TYMP: variants seen among roughly 807,000 people sequenced by gnomAD.
TYMP encodes thymidine phosphorylase.
TYMP carries 46 observed loss-of-function variants against 42.3 expected under a neutral mutation model. That is an observed-to-expected ratio of 1.09 (90% CI 0.86 to 1.39). TYMP has a LOEUF of 1.39. Among genes scored for constraint, TYMP ranks in the 40% most tolerant of loss-of-function variants. The pLI is 0.00. For synonymous variants in TYMP, 363 were observed against 308.0 expected (o/e 1.18, Z -1.87); for missense variants, 837 against 677.6 (o/e 1.24, Z -2.61).
Position 50,525,834 on chromosome 22 carries a change from G to T in TYMP, c.1385C>A (p.Ser462Tyr), listed in dbSNP as rs1327732434. The part of the protein sequence containing the change: ...SRALQEALVL[S>Y]DRAPFAAPSP... ...GGGGGCGGCGAATGGCGCGCGGTCG[G>T]AGAGTACGAGCGCCTCCTGCAGGGC... The change falls in exon 10 of 10, where the codon TCC becomes TAC. Residue 462 changes from serine (S) to tyrosine (Y), a missense_variant. Ser to Tyr is a moderately radical substitution (Grantham distance 144). Transcript: ENST00000252029. The T allele has an allele frequency of 1.2e-6, 2 of 1,609,054 alleles. No homozygotes were observed. The highest frequency in any genetic ancestry group is 1.7e-6 in the Non-Finnish European group (2 of 1,178,378).
chr22:50,529,068 G>A (rs1313555237), intron 3 of TYMP, 68 bp downstream of exon 3: 4 of 1,531,704 alleles, frequency 2.6e-6, no homozygotes, highest in African/African-American at 1.4e-5. Flanking sequence ...GTTGGGAGCT[G>A]CCTGTGGATG....
rs2069406474 is a variant in TYMP at position 50,526,808 on chromosome 22, C to T, written c.766-70G>A. On this transcript the variant is annotated intron_variant, in intron 6 of 9. Transcript: ENST00000252029. ...CTGCAGCCGGTTCTTGGTCGAACTC[C>T]AGCCCCTGCTGCACCCTGGGTTGCC... The T allele has an allele frequency of 4.7e-6, 7 of 1,482,028 alleles. No individual in the cohort carries two copies. In the African/African-American group the frequency reaches 5.6e-5, roughly 12 times the overall value. 91.8% of individuals were successfully genotyped at this position (1,482,028 alleles called of 1,614,324 possible).
chr22:50,526,921 T>C (rs1026596173), intron 6 of TYMP, among the ~76,000 whole-genome samples, 183 bp from the exon 7 acceptor site: 1 of 152,174 alleles, frequency 6.6e-6, no homozygotes, highest in African/African-American at 2.4e-5. Flanking sequence ...CAGGAGGAAC[T>C]TGTACTTGGT....
At chr22:50,528,244 A>G in intron 4 of TYMP, 1 of 524,652 alleles carries the variant, frequency 1.9e-6, no homozygotes, top group East Asian at 3.6e-5. Context: ...GGTTCAAGGG[A>G]TCTGCCCTCT....
chr22:50,529,937 G>T lies in TYMP; in HGVS notation c.-44C>A, dbSNP rs1375747015. Reference sequence around the variant, plus strand: ...GGCGCTGCCCTCGCCCGCTTGCTCCGGATCCCAGCCCAGGTACCCGGCCTC... The same window carrying T: ...GGCGCTGCCCTCGCCCGCTTGCTCCTGATCCCAGCCCAGGTACCCGGCCTC... On this transcript the variant is annotated 5_prime_UTR_variant, in exon 1 of 10. Coordinates refer to ENST00000252029, the MANE Select transcript of TYMP (RefSeq NM_001953.5). 1 of 591,948 alleles carries T rather than the reference G, an allele frequency of 1.7e-6. No homozygotes were observed. The highest frequency in any genetic ancestry group is 3.0e-6 in the Non-Finnish European group (1 of 333,142). 36.7% of individuals were successfully genotyped at this position (591,948 alleles called of 1,614,324 possible).
intron 4 of TYMP, 101 bp downstream of exon 4, chr22:50,528,411 C>G: frequency 9.8e-7 from 1 of 1,019,086 alleles, no homozygotes; most frequent in Non-Finnish European, 1.5e-6. Context: ...GACCAGTGTT[C>G]TCATTAGTGA....
At chr22:50,528,969 G>C (rs2069490000) in intron 3 of TYMP, 167 bp downstream of exon 3, 2 of 774,390 alleles carry the variant, frequency 2.6e-6, no homozygotes, top group Admixed American at 2.1e-5. Context: ...CAAGCGCTGT[G>C]CTGGGGAACG....
intron 4 of TYMP, 155 bp from the exon 5 acceptor site, chr22:50,527,872 C>T: frequency 1.2e-6 from 1 of 847,844 alleles, no homozygotes; most frequent in Admixed American, 2.6e-5. Flanking sequence ...GCCTCCTGGG[C>T]TTAAGTGATC....
chr22:50,529,171 C>G lies in TYMP; in HGVS notation c.382G>C (p.Val128Leu). The change falls in exon 3 of 10, where the codon GTC becomes CTC. Residue 128 changes from valine to leucine, a missense_variant. By Grantham distance (32) the Val-to-Leu change is conservative. Coordinates refer to ENST00000252029, the MANE Select transcript of TYMP (RefSeq NM_001953.5). ...TGGVGDKVSL[V>L]LAPALAACGC... is the part of the protein sequence containing the mutation. The stretch of plus-strand genomic sequence containing the variant: ...CATGCCGCCAGGGCAGGTGCGAGGA[C>G]CAGGCTGACCTTGTCACCCACACCC... The G allele has an allele frequency of 1.2e-6, 2 of 1,613,272 alleles. No individual in the cohort carries two copies. The highest frequency in any genetic ancestry group is 1.7e-6 in the Non-Finnish European group (2 of 1,180,006).
chr22:50,527,432 T>C (rs546034590), intron 5 of TYMP, 149 bp from the exon 6 acceptor site: 6 of 1,329,090 alleles, frequency 4.5e-6, no homozygotes, highest in Middle Eastern at 1.8e-4. Context: ...GGGTTGAGTA[T>C]CAGGCCACCC....
At position 50,525,845 on chromosome 22, in the gene TYMP, C is replaced by A; in HGVS notation, c.1374G>T (p.Ala458=). 6.2e-7 allele frequency: 1 copy of A among 1,607,180 alleles called. No homozygotes were observed. The highest frequency in any genetic ancestry group is 8.5e-7 in the Non-Finnish European group (1 of 1,177,500). ...SGPQSRALQE[A]LVLSDRAPFA... is the part of the protein sequence containing the mutation. ...ATGGCGCGCGGTCGGAGAGTACGAG[C>A]GCCTCCTGCAGGGCGCGGCTCTGCG... Residue 458 remains alanine (A), a synonymous_variant, in exon 10 of 10, where the codon GCG becomes GCT. Coordinates refer to ENST00000252029, the MANE Select transcript of TYMP (RefSeq NM_001953.5).
chr22:50,527,443 C>T, intron 5 of TYMP, 145 bp downstream of exon 5: 3 of 1,388,306 alleles, frequency 2.2e-6, no homozygotes, highest in South Asian at 2.3e-5. Context: ...CAGGCCACCC[C>T]ACATGGTGGT....
rs2069339975 is a variant in TYMP, at chr22:50,525,933, G to T, written c.1301-15C>A. 2 of 1,441,924 alleles carry T rather than the reference G, an allele frequency of 1.4e-6. No homozygotes were observed. The highest frequency in any genetic ancestry group is 1.5e-5 in the African/African-American group (1 of 66,580). 89.3% of individuals were successfully genotyped at this position (1,441,924 alleles called of 1,614,324 possible). A position where few individuals can be genotyped will look rare whatever the true frequency, so the allele number is the denominator to read the frequency against. ...CCAGGGGGTCCCTGCAGAGCGAGGG[G>T]CTGTTAGAGGCCGCGCGGCCGGAGC... On this transcript the variant is annotated splice_polypyrimidine_tract_variant and intron_variant, in intron 9 of 9. Coordinates refer to ENST00000252029, the MANE Select transcript of TYMP (RefSeq NM_001953.5).
intron 6 of TYMP, 40 bp from the exon 7 acceptor site, chr22:50,526,778 G>A: frequency 6.6e-7 from 1 of 1,525,650 alleles, no homozygotes; most frequent in Non-Finnish European, 8.8e-7. Flanking sequence ...CCATGGCGGG[G>A]CCTTCTGCAG....
chr22:50,528,584 C>T lies in TYMP; in HGVS notation c.444G>A (p.Leu148=), dbSNP rs750831187. Residue 148 remains leucine, a synonymous_variant, in exon 4 of 10, where the codon CTG becomes CTA. Coordinates refer to ENST00000252029, the MANE Select transcript of TYMP (RefSeq NM_001953.5). The stretch of plus-strand genomic sequence containing the variant: ...TATCCAAGGTGCCTCCTGTGTGCCC[C>T]AGACCACGTCCGCTGATCATTGGCA... ...CKVPMISGRG[L]GHTGGTLDKL... 1 of 1,613,888 alleles carries T rather than the reference C, an allele frequency of 6.2e-7. No individual in the cohort carries two copies. Among genetic ancestry groups the T allele is most frequent in the East Asian group, 2.2e-5 (1 of 44,884 alleles).
intron 8 of TYMP, 26 bp from the exon 9 acceptor site, chr22:50,526,167 C>G (rs1158667989): frequency 8.2e-6 from 12 of 1,468,250 alleles, no homozygotes; most frequent in Non-Finnish European, 1.1e-5. Context: ...CTGAGAGGCG[C>G]GGGCTCGGGA....
rs2069373610 is a variant in TYMP at position 50,526,319 on chromosome 22, C to T, written c.1086G>A (p.Ser362=). 1.3e-6 allele frequency: 2 copies of T among 1,562,506 alleles called. No homozygotes were observed. Among genetic ancestry groups the T allele is most frequent in the Non-Finnish European group, 1.7e-6 (2 of 1,164,620 alleles). The change falls in exon 8 of 10, where the codon TCG becomes TCA. Residue 362 remains serine (S), a synonymous_variant. Transcript: ENST00000252029. ...GCTGCCGGCGTTCTGCGGGACTTCC[C>T]GAGCACAGGGCTCGGGCCAGACCGG... ...VDPGLARALC[S]GSPAERRQLL...
intron 5 of TYMP, 135 bp from the exon 6 acceptor site, chr22:50,527,418 T>G: frequency 7.9e-7 from 1 of 1,262,014 alleles, no homozygotes; most frequent in Non-Finnish European, 1.2e-6. Context: ...TGGCAGCACC[T>G]GGTGGGTTGA....
intron 3 of TYMP, chr22:50,528,901 T>A: frequency 1.6e-6 from 1 of 621,448 alleles, no homozygotes; most frequent in Non-Finnish European, 2.9e-6. Flanking sequence ...GGGGTCTGAA[T>A]TCCATCAGTG....
Sources: gnomAD v4.1 joint callset for allele counts (sites outside exome capture counted in the v4.1 genomes callset) on GRCh38, gnomAD v4.1.1 for gene constraint, MANE v1.5 for transcripts, NCBI Gene and HGNC (gene_info 2026-07-23, HGNC 2026-07-21) for gene names.